XRCC5: variants seen among roughly 807,000 people sequenced by gnomAD.
XRCC5 encodes X-ray repair cross complementing 5.
XRCC5 carries 12 observed loss-of-function variants against 95.7 expected under a neutral mutation model. The observed-to-expected ratio is 0.13, with a 90% CI of 0.08 to 0.20. The LOEUF (loss-of-function observed/expected upper bound fraction) is 0.20, where lower values mean the gene tolerates loss of function less well. XRCC5 is among the 10% of genes least tolerant of loss of function. The pLI, the probability that XRCC5 is intolerant of heterozygous loss-of-function variation, is 1.00. For synonymous variants in XRCC5, 281 were observed against 290.3 expected (o/e 0.97, Z 0.33); for missense variants, 595 against 873.9 (o/e 0.68, Z 4.02).
chr2:216,114,532 T>C (rs1399852727), intron 2 of XRCC5, among the ~76,000 whole-genome samples: 1 of 149,554 alleles, frequency 6.7e-6, no homozygotes, highest in African/African-American at 2.5e-5. Flanking sequence ...CCCGAGAATG[T>C]TGGGCATTTG....
intron 8 of XRCC5, among the ~76,000 whole-genome samples, chr2:216,129,936 C>T (rs1301633802): frequency 6.6e-6 from 1 of 152,070 alleles, no homozygotes; most frequent in South Asian, 2.1e-4. Flanking sequence ...TCGGCCTCCC[C>T]AAGTGCTAGG....
chr2:216,119,191 A>G (rs1696755661), intron 5 of XRCC5, 26 bp downstream of exon 5: 2 of 1,612,660 alleles, frequency 1.2e-6, no homozygotes, highest in African/African-American at 2.7e-5. Context: ...TAATGCATGT[A>G]GACAAATCCT....
chr2:216,111,532 A>G (rs1696591266), intron 1 of XRCC5: 1 of 266,138 alleles, frequency 3.8e-6, no homozygotes, highest in Non-Finnish European at 7.8e-6. Context: ...AAAAAAAAGG[A>G]AAAAAAAATG....
intron 16 of XRCC5, among the ~76,000 whole-genome samples, chr2:216,179,590 A>T (rs1300239615): frequency 6.6e-6 from 1 of 152,134 alleles, no homozygotes; most frequent in Non-Finnish European, 1.5e-5. Context: ...TGAGAGAGAG[A>T]ACCTAGTGGA....
intron 19 of XRCC5, among the ~76,000 whole-genome samples, chr2:216,197,800 T>G (rs1166217109): frequency 6.6e-6 from 1 of 151,292 alleles, no homozygotes; most frequent in African/African-American, 2.4e-5. Context: ...CTCTTTCACA[T>G]CTAGAAAATG....
rs998118105 is a variant in XRCC5, at chr2:216,205,197, A to G, written c.2194A>G (p.Ile732Val). Residue 732 changes from isoleucine to valine, a missense_variant, in exon 21 of 21, where the codon ATA (isoleucine) becomes GTA (valine). Ile to Val is a conservative substitution (Grantham distance 29). This residue lies in a region of XRCC5 where 309 missense variants were observed against 382.9 expected (regional missense o/e 0.81). Coordinates refer to ENST00000392132, the MANE Select transcript of XRCC5 (RefSeq NM_021141.4). ...TTGTTCTTGTTCACAGTTGGACATG[A>G]TATAGGTCGTGGATGTATGGGGAAT... is the stretch of plus-strand genomic sequence containing the variant. ...GGDVDDLLDMI is the reference protein window; with the variant it reads ...GGDVDDLLDMV The G allele has an allele frequency of 1.2e-6, 2 of 1,613,948 alleles. No individual in the cohort carries two copies. The highest frequency in any genetic ancestry group is 1.7e-6 in the Non-Finnish European group (2 of 1,179,880).
At chr2:216,191,038 AGTGAC>A (rs1311735694) in intron 17 of XRCC5, among the ~76,000 whole-genome samples, 1 of 152,236 alleles carries the variant, frequency 6.6e-6, no homozygotes, top group African/African-American at 2.4e-5. Flanking sequence ...GCTTACAAAG[AGTGAC>A]AAGAAAATGG....
chr2:216,121,730 A>G (rs981018842), intron 5 of XRCC5, among the ~76,000 whole-genome samples: 1 of 152,150 alleles, frequency 6.6e-6, no homozygotes, highest in Non-Finnish European at 1.5e-5. Context: ...GGAGAGAGTG[A>G]AGCCAGCATA....
chr2:216,175,953 C>A (rs76509990), intron 16 of XRCC5: 4,093 of 335,418 alleles, frequency 0.012, 40 homozygotes, highest in Middle Eastern at 0.033. Flanking sequence ...TGGATCATGG[C>A]CTTCCTCCTC....
intron 9 of XRCC5, 157 bp downstream of exon 9, chr2:216,131,144 A>G: frequency 1.0e-6 from 1 of 980,194 alleles, no homozygotes; most frequent in Non-Finnish European, 1.2e-6. Flanking sequence ...TGTATTTTAT[A>G]CATTGGGAAA....
intron 5 of XRCC5, among the ~76,000 whole-genome samples, chr2:216,119,506 A>G (rs1284686918): frequency 6.6e-6 from 1 of 152,206 alleles, no homozygotes; most frequent in Non-Finnish European, 1.5e-5. Flanking sequence ...GGCTTTACCC[A>G]AACAATTAGC....
intron 14 of XRCC5, among the ~76,000 whole-genome samples, chr2:216,153,696 G>T (rs941581653): frequency 6.6e-6 from 1 of 152,208 alleles, no homozygotes. Context: ...ATTGTAGTTG[G>T]TAGGTGTTGG....
intron 14 of XRCC5, chr2:216,156,733 A>C (rs668007): frequency 9.3e-6 from 5 of 535,890 alleles, no homozygotes; most frequent in African/African-American, 7.7e-5. Context: ...TTATTCCTCA[A>C]ATGAGGATTT....
chr2:216,160,276 A>G (rs1043341594), intron 15 of XRCC5, 115 bp downstream of exon 15: 81 of 625,946 alleles, frequency 1.3e-4, no homozygotes, highest in Non-Finnish European at 2.0e-4. Flanking sequence ...GATCATGATC[A>G]CTTTCTCTGG....
chr2:216,121,831 C>G (rs1200243857), intron 5 of XRCC5, among the ~76,000 whole-genome samples: 2 of 152,202 alleles, frequency 1.3e-5, no homozygotes, highest in Non-Finnish European at 2.9e-5. Context: ...TTGTGCCACC[C>G]TGCCCTTTCA....
At chr2:216,179,787 G>A (rs2106039330) in intron 16 of XRCC5, among the ~76,000 whole-genome samples, 1 of 152,272 alleles carries the variant, frequency 6.6e-6, no homozygotes, top group Middle Eastern at 3.4e-3. Context: ...GCTTTTCTCT[G>A]AGTGAAATGT....
chr2:216,153,602 A>G (rs1460073471), intron 14 of XRCC5, among the ~76,000 whole-genome samples: 1 of 152,204 alleles, frequency 6.6e-6, no homozygotes, highest in African/African-American at 2.4e-5. Context: ...CCACGTTGCC[A>G]TCCTATGAAG....
At chr2:216,184,109 T>G (rs41302494) in intron 16 of XRCC5, among the ~76,000 whole-genome samples, 1,558 of 151,374 alleles carry the variant, frequency 0.01, 22 homozygotes, top group African/African-American at 0.036. Flanking sequence ...ACCTTCTTTT[T>G]GTACTTAAAA....
At chr2:216,112,962 C>T in intron 1 of XRCC5, 54 bp from the exon 2 acceptor site, 1 of 1,374,236 alleles carries the variant, frequency 7.3e-7, no homozygotes, top group Non-Finnish European at 1.0e-6. Context: ...GACATTCTTA[C>T]AGTCTTTTCT....
Sources: allele counts gnomAD v4.1 joint callset (sites outside exome capture counted in the v4.1 genomes callset), GRCh38; gene constraint gnomAD v4.1.1; regional missense constraint gnomAD v4.1.1; transcripts MANE v1.5; gene names NCBI Gene and HGNC (gene_info 2026-07-23, HGNC 2026-07-21).